The following GRIA4 variants were observed in gnomAD, a reference collection of about 807,000 sequenced individuals.
GRIA4 encodes the protein glutamate receptor 4.
GRIA4 carries 34 observed loss-of-function variants against 104.0 expected under a neutral mutation model. That is an observed-to-expected ratio of 0.33 (90% CI 0.25 to 0.44). GRIA4 has a LOEUF of 0.44. Ranked by LOEUF, GRIA4 falls within the 20% of genes least tolerant of loss-of-function variation. GRIA4 has a pLI of 1.00. For synonymous variants in GRIA4, 386 were observed against 381.9 expected, an observed-to-expected ratio of 1.01 and a Z score of -0.13; for missense variants, 750 against 1,096.5, an observed-to-expected ratio of 0.68 and a Z score of 4.46.
intron 3 of GRIA4, among the ~76,000 whole-genome samples, chr11:105,619,652 G>T (rs1436420557): frequency 6.6e-6 from 1 of 151,856 alleles, no homozygotes; most frequent in Admixed American, 6.6e-5. Context: ...GATTAAAGGA[G>T]GTCAATGAAT....
intron 3 of GRIA4, among the ~76,000 whole-genome samples, chr11:105,619,407 AGCC>A (rs1950684514): frequency 6.6e-6 from 1 of 151,928 alleles, no homozygotes; most frequent in African/African-American, 2.4e-5. Context: ...TGTATGTCTG[AGCC>A]AATTTTAATA....
intron 3 of GRIA4, among the ~76,000 whole-genome samples, chr11:105,652,991 T>C (rs1424651719): frequency 6.6e-6 from 1 of 152,062 alleles, no homozygotes; most frequent in African/African-American, 2.4e-5. Flanking sequence ...CACTGCAAGC[T>C]CCATCCACCT....
intron 13 of GRIA4, 71 bp from the exon 14 acceptor site, chr11:105,933,651 T>C (rs1947949451): frequency 5.1e-6 from 6 of 1,165,734 alleles, no homozygotes; most frequent in African/African-American, 1.6e-5. Flanking sequence ...TTTATTCTTA[T>C]CTTGGTTCAG....
intron 4 of GRIA4, among the ~76,000 whole-genome samples, chr11:105,794,469 G>GTGTA (rs1427661928): frequency 1.2e-3 from 47 of 40,764 alleles, no homozygotes; most frequent in South Asian, 2.7e-3. Context: ...GTGTGTATAT[G>GTGTA]TATGTATATA....
At chr11:105,911,978 A>G in intron 10 of GRIA4, 1 of 1,468,746 alleles carries the variant, frequency 6.8e-7, no homozygotes, top group Non-Finnish European at 9.1e-7. Context: ...TCTCCAGTGT[A>G]GTAAATTTAA....
At chr11:105,643,164 A>T (rs1181644053) in intron 3 of GRIA4, among the ~76,000 whole-genome samples, 1 of 152,104 alleles carries the variant, frequency 6.6e-6, no homozygotes. Flanking sequence ...ACAATTCAAG[A>T]TGAGATTTGA....
At chr11:105,742,419 T>C (rs962540409) in intron 3 of GRIA4, among the ~76,000 whole-genome samples, 8 of 152,058 alleles carry the variant, frequency 5.3e-5, no homozygotes, top group Non-Finnish European at 1.2e-4. Context: ...CCCCATGTAT[T>C]CTATCTTTCT....
intron 6 of GRIA4, among the ~76,000 whole-genome samples, chr11:105,888,271 C>CTTTTTTTTTTTTTTTTTTTTTT (rs71469040): frequency 1.8e-5 from 1 of 54,560 alleles, no homozygotes. Context: ...ATGTTTTCTC[C>CTTTTTTTTTTTTTTTTTTTTTT]TTTTTTTTTT....
intron 3 of GRIA4, among the ~76,000 whole-genome samples, chr11:105,648,458 A>G (rs1465830108): frequency 6.6e-6 from 1 of 151,544 alleles, no homozygotes; most frequent in African/African-American, 2.4e-5. Flanking sequence ...TATAGTATAT[A>G]AAATAATGCT....
chr11:105,654,645 C>T (rs1267745698), intron 3 of GRIA4, among the ~76,000 whole-genome samples: 2 of 152,092 alleles, frequency 1.3e-5, no homozygotes, highest in Admixed American at 6.6e-5. Context: ...ACTCAACTCA[C>T]AACAGCTACA....
intron 3 of GRIA4, among the ~76,000 whole-genome samples, chr11:105,733,602 G>A (rs1221303829): frequency 1.3e-5 from 2 of 151,816 alleles, no homozygotes; most frequent in East Asian, 1.9e-4. Context: ...GATTACAGGC[G>A]CCTGCCACCA....
At chr11:105,912,439 A>C (rs1947278790) in intron 10 of GRIA4, 1 of 963,992 alleles carries the variant, frequency 1.0e-6, no homozygotes, top group East Asian at 1.2e-4. Context: ...TACTGAATTA[A>C]TTTTGCAAGC....
intron 3 of GRIA4, among the ~76,000 whole-genome samples, chr11:105,741,863 G>C (rs1939331018): frequency 6.6e-6 from 1 of 152,140 alleles, no homozygotes; most frequent in South Asian, 2.1e-4. Context: ...ACAGGAAGGA[G>C]GACAAAACGG....
chr11:105,943,743 ACT>A (rs1477554093), intron 14 of GRIA4, among the ~76,000 whole-genome samples: 1 of 152,036 alleles, frequency 6.6e-6, no homozygotes, highest in Admixed American at 6.6e-5. Context: ...TGTCTTCAAA[ACT>A]CTGTCATATA....
chr11:105,963,210 T>G (rs1017938253), intron 14 of GRIA4, among the ~76,000 whole-genome samples: 1 of 152,122 alleles, frequency 6.6e-6, no homozygotes, highest in African/African-American at 2.4e-5. Context: ...TCCAGTAAAA[T>G]GAGTGAAGTA....
At chr11:105,748,152 G>A (rs955383120) in intron 3 of GRIA4, among the ~76,000 whole-genome samples, 1 of 152,142 alleles carries the variant, frequency 6.6e-6, no homozygotes, top group African/African-American at 2.4e-5. Context: ...TACAGCATTG[G>A]CTGCGACAGT....
chr11:105,724,371 T>TTA (rs1228716962), intron 3 of GRIA4, among the ~76,000 whole-genome samples: 7 of 133,632 alleles, frequency 5.2e-5, no homozygotes, highest in African/African-American at 2.0e-4. Flanking sequence ...ACACACACCA[T>TTA]TATATATACA....
intron 5 of GRIA4, chr11:105,862,560 G>T: frequency 5.6e-6 from 1 of 177,110 alleles, no homozygotes; most frequent in Non-Finnish European, 1.2e-5. Flanking sequence ...AAATTTGTGG[G>T]TGCACCATTT....
intron 5 of GRIA4, among the ~76,000 whole-genome samples, chr11:105,879,583 T>G (rs1364256430): frequency 6.6e-6 from 1 of 152,188 alleles, no homozygotes; most frequent in Non-Finnish European, 1.5e-5. Context: ...CAGACTAGGA[T>G]GCATTAAAGT....
Sources: allele counts gnomAD v4.1 joint callset (sites outside exome capture counted in the v4.1 genomes callset), GRCh38; gene constraint gnomAD v4.1.1; transcripts MANE v1.5; gene names NCBI Gene and HGNC (gene_info 2026-07-23, HGNC 2026-07-21).